The following MREG variants were observed in gnomAD, a reference collection of about 807,000 sequenced individuals.
MREG encodes melanoregulin.
MREG carries 31 observed loss-of-function variants against 28.5 expected under a neutral mutation model. That is an observed-to-expected ratio of 1.09 (90% CI 0.82 to 1.47). MREG has a LOEUF of 1.47. MREG is among the 40% of genes most tolerant of loss of function. MREG has a pLI of 0.00. For missense variants in MREG, 256 were observed against 257.4 expected (o/e 0.99, Z 0.04); for synonymous variants, 106 against 95.2 (o/e 1.11, Z -0.66).
At chr2:215,984,110 G>C (rs1243088047) in intron 2 of MREG, among the ~76,000 whole-genome samples, 1 of 152,160 alleles carries the variant, frequency 6.6e-6, no homozygotes, top group Non-Finnish European at 1.5e-5. Context: ...AAGGCAAGGA[G>C]GAGCAAGTCA....
chr2:215,974,637 C>T (rs1449613710), intron 2 of MREG, among the ~76,000 whole-genome samples: 2 of 152,092 alleles, frequency 1.3e-5, no homozygotes, highest in Admixed American at 1.3e-4. Flanking sequence ...TATTAATTAG[C>T]ATGTGACTTT....
intron 1 of MREG, among the ~76,000 whole-genome samples, chr2:215,997,721 C>T (rs3770550): frequency 0.11 from 16,542 of 152,056 alleles, 1,089 homozygotes; most frequent in East Asian, 0.3. Context: ...TGAAGGCAGG[C>T]GTCAGGTAGG....
chr2:215,988,961 C>G (rs1354344978), intron 2 of MREG, among the ~76,000 whole-genome samples: 1 of 152,180 alleles, frequency 6.6e-6, no homozygotes, highest in African/African-American at 2.4e-5. Flanking sequence ...TGGCTGTGGG[C>G]ACAGCTTCAG....
chr2:215,981,457 A>AC (rs144398239), intron 2 of MREG, among the ~76,000 whole-genome samples: 7,852 of 152,316 alleles, frequency 0.052, 411 homozygotes, highest in African/African-American at 0.13. Context: ...TAAAGTAGCC[A>AC]AATTCATAGA....
intron 1 of MREG, among the ~76,000 whole-genome samples, chr2:216,010,538 T>C (rs1694273903): frequency 6.6e-6 from 1 of 151,020 alleles, no homozygotes; most frequent in African/African-American, 2.4e-5. Flanking sequence ...TTTGTATTTT[T>C]AGTAGAGACG....
chr2:215,955,520 TA>T lies in MREG; in HGVS notation c.256-8408del, dbSNP rs1396743841. 2.0e-5 allele frequency among the ~76,000 whole-genome samples: 3 copies of T among 152,322 alleles called. No individual in the cohort carries two copies. The East Asian group carries it at 5.8e-4, about 29-fold the overall frequency. On this transcript the variant is annotated intron_variant, in intron 2 of 4. Coordinates refer to ENST00000263268, the MANE Select transcript of MREG (RefSeq NM_018000.3). The stretch of plus-strand genomic sequence containing the variant: ...CTGCATTACAAAAATTAAATACATC[TA>T]AATCACAGACTAAAAATTAGAGTAG...
intron 2 of MREG, among the ~76,000 whole-genome samples, chr2:215,989,410 G>A (rs940488218): frequency 3.3e-5 from 5 of 152,140 alleles, no homozygotes; most frequent in Non-Finnish European, 5.9e-5. Flanking sequence ...ATCAAAGACC[G>A]AAGGTAGATA....
chr2:215,990,953 T>G (rs1253064931), intron 2 of MREG, among the ~76,000 whole-genome samples: 1 of 152,098 alleles, frequency 6.6e-6, no homozygotes, highest in Non-Finnish European at 1.5e-5. Context: ...GCGGGAGACT[T>G]TAACACCCCA....
At chr2:216,003,341 T>C (rs553537383) in intron 1 of MREG, among the ~76,000 whole-genome samples, 2 of 152,262 alleles carry the variant, frequency 1.3e-5, no homozygotes, top group African/African-American at 4.8e-5. Flanking sequence ...GAGCCCCATA[T>C]GATGCTGCTT....
chr2:216,012,292 G>A (rs13013441), intron 1 of MREG, among the ~76,000 whole-genome samples: 72,220 of 151,946 alleles, frequency 0.48, 18,066 homozygotes, highest in Admixed American at 0.55. Flanking sequence ...AAATCAGAGT[G>A]GACAGGCAGG....
intron 1 of MREG, among the ~76,000 whole-genome samples, chr2:216,023,016 G>C (rs971944592): frequency 1.3e-5 from 2 of 152,148 alleles, no homozygotes; most frequent in African/African-American, 4.8e-5. Context: ...CCGAATTTAT[G>C]CCTTTAAATT....
chr2:216,032,100 A>T (rs924282760), intron 1 of MREG, among the ~76,000 whole-genome samples: 1 of 152,200 alleles, frequency 6.6e-6, no homozygotes, highest in South Asian at 2.1e-4. Flanking sequence ...AGAAATTCTA[A>T]CTTACATCTA....
At chr2:215,954,445 A>AACACACACACACACACACACACACAC (rs3078454) in intron 2 of MREG, among the ~76,000 whole-genome samples, 2 of 136,524 alleles carry the variant, frequency 1.5e-5, no homozygotes, top group East Asian at 2.2e-4. Context: ...ATCTGTGTAC[A>AACACACACACACACACACACACACAC]ACACACACAC....
At chr2:215,955,156 T>G (rs1481819483) in intron 2 of MREG, among the ~76,000 whole-genome samples, 1 of 152,224 alleles carries the variant, frequency 6.6e-6, no homozygotes, top group Non-Finnish European at 1.5e-5. Context: ...ACCTTGCACT[T>G]TTCACTTAAT....
intron 2 of MREG, among the ~76,000 whole-genome samples, chr2:215,987,396 G>A (rs1693601338): frequency 6.6e-6 from 1 of 151,786 alleles, no homozygotes; most frequent in South Asian, 2.1e-4. Context: ...ACAGGTAAGT[G>A]CCATCACGCC....
rs567562509 is a variant in MREG at position 215,959,636 on chromosome 2, C to T, written c.256-12523G>A. 6.6e-5 allele frequency among the ~76,000 whole-genome samples: 10 copies of T among 152,330 alleles called. No individual in the cohort carries two copies. In the East Asian group the frequency reaches 1.9e-3, roughly 29 times the overall value. On this transcript the variant is annotated intron_variant, in intron 2 of 4. Coordinates refer to ENST00000263268, the MANE Select transcript of MREG (RefSeq NM_018000.3). ...CCATACCGCTTACTGAATACAGTTT[C>T]AATCCCAAGAAGGTTACCCATGATC...
chr2:215,965,187 T>C (rs947240644), intron 2 of MREG, among the ~76,000 whole-genome samples: 1 of 152,240 alleles, frequency 6.6e-6, no homozygotes, highest in African/African-American at 2.4e-5. Flanking sequence ...ATGTTTCAGA[T>C]GGCAACTCAC....
At chr2:215,965,262 G>C (rs886162572) in intron 2 of MREG, among the ~76,000 whole-genome samples, 1 of 152,194 alleles carries the variant, frequency 6.6e-6, no homozygotes, top group Admixed American at 6.5e-5. Context: ...TACATTTGCA[G>C]GTTCCTGTGC....
At chr2:215,973,492 C>T (rs145208841) in intron 2 of MREG, among the ~76,000 whole-genome samples, 2 of 152,336 alleles carry the variant, frequency 1.3e-5, no homozygotes, top group African/African-American at 2.4e-5. Flanking sequence ...CAAGCTGTTG[C>T]ATGCCCACTC....
Sources: gnomAD v4.1 joint callset for allele counts (sites outside exome capture counted in the v4.1 genomes callset) on GRCh38, gnomAD v4.1.1 for gene constraint, MANE v1.5 for transcripts, NCBI Gene and HGNC (gene_info 2026-07-23, HGNC 2026-07-21) for gene names.